Variants in TEAD1 observed in about 807,000 individuals in gnomAD.
TEAD1 encodes the protein transcriptional enhancer factor TEF-1.
Under a neutral mutation model 54.9 loss-of-function variants are expected in TEAD1, and 9 were observed. The ratio of observed to expected loss-of-function variants is 0.16; its 90% CI spans 0.10 to 0.29. TEAD1 has a LOEUF of 0.29. Ranked by LOEUF, TEAD1 falls within the 10% of genes least tolerant of loss-of-function variation. TEAD1 has a pLI of 1.00. For synonymous variants in TEAD1, 200 were observed against 187.8 expected (o/e 1.07, Z -0.53); for missense variants, 387 against 535.9 (o/e 0.72, Z 2.74).
chr11:12,772,813 G>A (rs1252990698), intron 3 of TEAD1, among the ~76,000 whole-genome samples: 5 of 152,012 alleles, frequency 3.3e-5, no homozygotes, highest in African/African-American at 1.2e-4. Flanking sequence ...AGTTTTACTT[G>A]AACTCGTTTG....
chr11:12,708,137 T>G (rs920646461), intron 2 of TEAD1, among the ~76,000 whole-genome samples: 1 of 152,006 alleles, frequency 6.6e-6, no homozygotes, highest in Admixed American at 6.5e-5. Flanking sequence ...CACTCACAGG[T>G]GTCTCGGTGG....
intron 3 of TEAD1, among the ~76,000 whole-genome samples, chr11:12,796,250 A>G (rs926799723): frequency 6.6e-6 from 1 of 152,198 alleles, no homozygotes; most frequent in Non-Finnish European, 1.5e-5. Context: ...AGAACATGAA[A>G]GGTGGTGTGG....
chr11:12,852,637 G>A (rs1365460135), intron 3 of TEAD1, among the ~76,000 whole-genome samples: 1 of 151,876 alleles, frequency 6.6e-6, no homozygotes, highest in African/African-American at 2.4e-5. Flanking sequence ...TAGTAGAGAC[G>A]GGGTTTCACC....
intron 12 of TEAD1, among the ~76,000 whole-genome samples, chr11:12,934,714 C>T (rs1484909492): frequency 6.6e-6 from 1 of 152,014 alleles, no homozygotes; most frequent in African/African-American, 2.4e-5. Context: ...ACAGAATGCT[C>T]AAGTCTGCAC....
intron 2 of TEAD1, among the ~76,000 whole-genome samples, chr11:12,702,213 A>G (rs1298115100): frequency 2.0e-5 from 3 of 152,200 alleles, no homozygotes; most frequent in Non-Finnish European, 1.5e-5. Flanking sequence ...CCTTGGTGCC[A>G]TGGCAGGCTC....
intron 2 of TEAD1, among the ~76,000 whole-genome samples, chr11:12,707,964 T>C (rs1943855440): frequency 6.6e-6 from 1 of 152,252 alleles, no homozygotes; most frequent in African/African-American, 2.4e-5. Context: ...GCATGAAATC[T>C]CATGCTACAT....
intron 12 of TEAD1, among the ~76,000 whole-genome samples, chr11:12,934,713 T>A (rs1021843889): frequency 6.6e-5 from 10 of 152,168 alleles, no homozygotes; most frequent in Admixed American, 5.9e-4. Context: ...AACAGAATGC[T>A]CAAGTCTGCA....
intron 2 of TEAD1, among the ~76,000 whole-genome samples, chr11:12,710,454 C>T (rs1379611024): frequency 6.6e-6 from 1 of 152,124 alleles, no homozygotes; most frequent in Non-Finnish European, 1.5e-5. Flanking sequence ...TCAGAGTTCA[C>T]AGTGAAGTCA....
At position 12,922,192 on chromosome 11, in the gene TEAD1, CT is replaced by C. The variant is rs756723520; in HGVS notation, c.874-2698del. 6.6e-3 allele frequency among the ~76,000 whole-genome samples: 622 copies of C among 94,494 alleles called. 33 individuals are homozygous for C. Among genetic ancestry groups the C allele is most frequent in the African/African-American group, 0.023 (538 of 23,140 alleles). The allele number at this position is 94,494 out of a possible 152,430, so 62.0% of individuals were successfully genotyped here. ...AGGGGAATGTGGAGTACATGGTTCT[CT>C]TTTTTTTTTTTTTTTTTTTTTGAGA... On this transcript the variant is annotated intron_variant, in intron 10 of 12. Transcript: ENST00000527636.
Position 12,795,857 on chromosome 11 carries a change from C to A in TEAD1, c.202+31423C>A, listed in dbSNP as rs911584746. On this transcript the variant is annotated intron_variant, in intron 3 of 12. Transcript: ENST00000527636. ...CTTGAGAACAGTAAAAGACAAAACA[C>A]AAATAACAGTGATGGCAGCCTTACC... 3.3e-5 allele frequency among the ~76,000 whole-genome samples: 5 copies of A among 152,270 alleles called. No homozygotes were observed. The South Asian group carries it at 1.0e-3, about 32-fold the overall frequency.
At chr11:12,927,056 C>T (rs1948915481) in intron 11 of TEAD1, among the ~76,000 whole-genome samples, 1 of 152,174 alleles carries the variant, frequency 6.6e-6, no homozygotes, top group Non-Finnish European at 1.5e-5. Context: ...ACTCAATTTC[C>T]CAAATGTCAA....
chr11:12,809,974 CT>C (rs55647097), intron 3 of TEAD1, among the ~76,000 whole-genome samples: 3,547 of 115,126 alleles, frequency 0.031, 108 homozygotes, highest in African/African-American at 0.12. Flanking sequence ...TTTCCCCATT[CT>C]TTTTTTTTTT....
intron 2 of TEAD1, among the ~76,000 whole-genome samples, chr11:12,680,104 C>T (rs1281967556): frequency 6.6e-6 from 1 of 152,182 alleles, no homozygotes; most frequent in Non-Finnish European, 1.5e-5. Flanking sequence ...ATCTTTTATA[C>T]CAACCAAGCC....
chr11:12,699,397 C>T (rs180928544), intron 2 of TEAD1, among the ~76,000 whole-genome samples: 1 of 152,006 alleles, frequency 6.6e-6, no homozygotes, highest in Non-Finnish European at 1.5e-5. Flanking sequence ...GCTGTTTTTA[C>T]TGGAGTTGTA....
At chr11:12,778,054 TC>T (rs1231338415) in intron 3 of TEAD1, among the ~76,000 whole-genome samples, 1 of 152,248 alleles carries the variant, frequency 6.6e-6, no homozygotes, top group Non-Finnish European at 1.5e-5. Flanking sequence ...CAGGTACTGT[TC>T]TGAACACTTA....
chr11:12,797,413 C>G (rs1293740893), intron 3 of TEAD1, among the ~76,000 whole-genome samples: 1 of 152,178 alleles, frequency 6.6e-6, no homozygotes, highest in Non-Finnish European at 1.5e-5. Context: ...GGTTGGCACC[C>G]TATCCAATGA....
intron 10 of TEAD1, among the ~76,000 whole-genome samples, chr11:12,909,615 C>T (rs562382108): frequency 6.6e-6 from 1 of 152,214 alleles, no homozygotes; most frequent in East Asian, 1.9e-4. Context: ...AACAAACCAG[C>T]ACGTTCTGCA....
chr11:12,844,615 G>A (rs1408355687), intron 3 of TEAD1, among the ~76,000 whole-genome samples: 1 of 152,138 alleles, frequency 6.6e-6, no homozygotes, highest in South Asian at 2.1e-4. Context: ...TGGCAGTGGA[G>A]CATTTGCTGA....
chr11:12,717,070 A>G (rs1261380516), intron 2 of TEAD1, among the ~76,000 whole-genome samples: 1 of 152,190 alleles, frequency 6.6e-6, no homozygotes, highest in Non-Finnish European at 1.5e-5. Flanking sequence ...TCCTGCATGG[A>G]TTTGTAGATC....
Sources: allele counts gnomAD v4.1 joint callset (sites outside exome capture counted in the v4.1 genomes callset), GRCh38; gene constraint gnomAD v4.1.1; transcripts MANE v1.5; gene names NCBI Gene and HGNC (gene_info 2026-07-23, HGNC 2026-07-21).